The following BANP variants were observed in gnomAD, a reference collection of about 807,000 sequenced individuals.
The protein encoded by BANP is protein BANP.
BANP carries 11 observed loss-of-function variants against 68.1 expected under a neutral mutation model. The ratio of observed to expected loss-of-function variants is 0.16; its 90% CI spans 0.10 to 0.27. The LOEUF (loss-of-function observed/expected upper bound fraction) is 0.27. BANP is among the 10% of genes least tolerant of loss of function. The probability of loss-of-function intolerance (pLI) is 1.00; values close to 1 mark genes in which losing one functional copy is unlikely to be tolerated. For synonymous variants in BANP, 329 were observed against 303.2 expected (o/e 1.09, Z -0.88); for missense variants, 504 against 722.7 (o/e 0.70, Z 3.47).
chr16:87,949,697 G>A (rs2056624212), upstream of BANP: 1 of 152,160 alleles, frequency 6.6e-6, no homozygotes, highest in Non-Finnish European at 1.5e-5. Flanking sequence ...CTTTTGCCAC[G>A]AAGTAACCCA....
chr16:88,043,573 A>T (rs1183161520), intron 11 of BANP, among the ~76,000 whole-genome samples: 1 of 152,192 alleles, frequency 6.6e-6, no homozygotes, highest in Admixed American at 6.5e-5. Context: ...ATTCGGAATG[A>T]TTTAGGTAGA....
chr16:87,982,160 G>A (rs1035834888), intron 3 of BANP, among the ~76,000 whole-genome samples: 7 of 152,164 alleles, frequency 4.6e-5, no homozygotes, highest in Admixed American at 3.9e-4. Context: ...TAAATAAAAC[G>A]CAGCTCTGAT....
At chr16:88,050,532 C>T (rs182747381) in intron 11 of BANP, among the ~76,000 whole-genome samples, 1 of 152,314 alleles carries the variant, frequency 6.6e-6, no homozygotes, top group Admixed American at 6.5e-5. Flanking sequence ...GCATCTTGAA[C>T]TGCCAGCGGC....
chr16:87,984,695 AT>A (rs1598103291), intron 4 of BANP, among the ~76,000 whole-genome samples: 1 of 152,228 alleles, frequency 6.6e-6, no homozygotes, highest in Admixed American at 6.5e-5. Flanking sequence ...GTAGAGTCTA[AT>A]GAGTCTAATC....
At chr16:88,048,264 C>G (rs1043873391) in intron 11 of BANP, among the ~76,000 whole-genome samples, 1 of 152,128 alleles carries the variant, frequency 6.6e-6, no homozygotes, top group African/African-American at 2.4e-5. Flanking sequence ...AATAATTTTC[C>G]GGAAGCATCT....
At chr16:87,968,065 T>C (rs2060405936) in intron 1 of BANP, among the ~76,000 whole-genome samples, 1 of 145,596 alleles carries the variant, frequency 6.9e-6, no homozygotes, top group South Asian at 2.2e-4. Flanking sequence ...GAAAAGGTTC[T>C]ACAGGTTTTT....
rs116281312 is a variant in BANP, at chr16:88,013,606, C to T, written c.656-4822C>T. Among the ~76,000 whole-genome samples the T allele has an allele frequency of 7.3e-3, 1,112 of 152,356 alleles. 17 individuals carry two copies. The highest frequency in any genetic ancestry group is 0.025 in the African/African-American group (1,050 of 41,580). Reference sequence around the variant, plus strand: ...CCTAGTCCTTAGACTGCTGCCTGCACCCGTCAGAGCTCAGCAGGACTTTGT... The same window carrying T: ...CCTAGTCCTTAGACTGCTGCCTGCATCCGTCAGAGCTCAGCAGGACTTTGT... On this transcript the variant is annotated intron_variant, in intron 6 of 13. Coordinates refer to ENST00000682872, the MANE Select transcript of BANP (RefSeq NM_001386991.1).
rs1037063566 is a variant in BANP, at chr16:88,064,197, G to A, written c.1312-1070G>A. Among the ~76,000 whole-genome samples, 12 of 151,068 alleles carry A rather than the reference G, an allele frequency of 7.9e-5. No individual in the cohort carries two copies. Among genetic ancestry groups the A allele is most frequent in the South Asian group, 2.1e-4 (1 of 4,702 alleles). ...AGGAGGTGTCGGGGGCTTGAGAGGC[G>A]CAGGGGAGCAGGGGGGGAGAGTGGA... is the stretch of plus-strand genomic sequence containing the variant. On this transcript the variant is annotated intron_variant, in intron 11 of 13. Coordinates refer to ENST00000682872, the MANE Select transcript of BANP (RefSeq NM_001386991.1). This position sits in a 1 kb window ranked among gnomAD's most constrained non-coding sequence, Gnocchi z 4.5.
At chr16:88,062,214 G>A (rs2087016138) in intron 11 of BANP, among the ~76,000 whole-genome samples, 1 of 152,136 alleles carries the variant, frequency 6.6e-6, no homozygotes, top group African/African-American at 2.4e-5. Flanking sequence ...CTTTTGTTTG[G>A]TTTTGCGTTG....
intron 1 of BANP, among the ~76,000 whole-genome samples, chr16:87,960,336 C>T (rs1310937038): frequency 6.6e-6 from 1 of 152,092 alleles, no homozygotes; most frequent in African/African-American, 2.4e-5. Context: ...TTCAGCAGCT[C>T]TTGGGAAGAG....
chr16:88,006,717 G>A (rs1052657600), intron 6 of BANP, among the ~76,000 whole-genome samples: 1 of 151,602 alleles, frequency 6.6e-6, no homozygotes, highest in Non-Finnish European at 1.5e-5. Context: ...ACTTTGGGAG[G>A]CTGAGGCGGG....
At chr16:87,963,556 C>T (rs2059559812) in intron 1 of BANP, 1 of 152,218 alleles carries the variant, frequency 6.6e-6, no homozygotes, top group African/African-American at 2.4e-5. Flanking sequence ...GTTCCACTTC[C>T]TGTGGAAATG....
At chr16:87,965,562 GC>G (rs1294143686) in intron 1 of BANP, among the ~76,000 whole-genome samples, 4 of 135,778 alleles carry the variant, frequency 2.9e-5, no homozygotes, top group Non-Finnish European at 3.1e-5. Flanking sequence ...CACCCACTAA[GC>G]CCGAGGCGCA....
At position 87,956,082 on chromosome 16, in the gene BANP, T is replaced by C. The variant is rs374171704; in HGVS notation, c.-69+4567T>C. ...GCTGGGCAGTGGGCCTCAGTGGTCT[T>C]GCAGCTCCCCCGTCAGGATTGTTAG... On this transcript the variant is annotated intron_variant, in intron 1 of 13. Coordinates refer to ENST00000682872, the MANE Select transcript of BANP (RefSeq NM_001386991.1). Among the ~76,000 whole-genome samples, 221 of 152,252 alleles carry C rather than the reference T, an allele frequency of 1.5e-3. 2 individuals are homozygous for C. Among genetic ancestry groups the C allele is most frequent in the African/African-American group, 5.3e-3 (219 of 41,536 alleles).
intron 4 of BANP, among the ~76,000 whole-genome samples, chr16:87,996,723 T>C (rs951857536): frequency 3.3e-5 from 5 of 152,244 alleles, no homozygotes; most frequent in African/African-American, 1.2e-4. Flanking sequence ...AGCGTTGCCC[T>C]CCCGTCCTTC....
chr16:87,983,518 G>A (rs1451767241), intron 3 of BANP, among the ~76,000 whole-genome samples: 2 of 152,158 alleles, frequency 1.3e-5, no homozygotes, highest in South Asian at 2.1e-4. Context: ...AAGGTCAGAC[G>A]TGGAGCCCGG....
intron 1 of BANP, among the ~76,000 whole-genome samples, chr16:87,958,135 G>C (rs1259665177): frequency 6.6e-6 from 1 of 152,190 alleles, no homozygotes; most frequent in African/African-American, 2.4e-5. Flanking sequence ...TCTCCTCTTT[G>C]TGGTGTAGGT....
At chr16:88,013,410 C>G (rs1163397212) in intron 6 of BANP, among the ~76,000 whole-genome samples, 1 of 148,384 alleles carries the variant, frequency 6.7e-6, no homozygotes, top group Non-Finnish European at 1.5e-5. Flanking sequence ...GACCGCTGCC[C>G]GCACCCATCA....
intron 4 of BANP, among the ~76,000 whole-genome samples, chr16:87,984,502 C>G (rs1193163869): frequency 6.6e-6 from 1 of 152,238 alleles, no homozygotes; most frequent in Non-Finnish European, 1.5e-5. Flanking sequence ...GACCCATGCA[C>G]CTTTTCTTTG....
Sources: allele counts gnomAD v4.1 joint callset (sites outside exome capture counted in the v4.1 genomes callset), GRCh38; gene constraint gnomAD v4.1.1; non-coding constraint Gnocchi (gnomAD v3.1); transcripts MANE v1.5; gene names NCBI Gene and HGNC (gene_info 2026-07-23, HGNC 2026-07-21).